Variants in PNPLA7 observed in about 807,000 individuals in gnomAD.
PNPLA7 encodes patatin-like phospholipase domain-containing protein 7.
Under a neutral mutation model 161.7 loss-of-function variants are expected in PNPLA7, and 153 were observed. The ratio of observed to expected loss-of-function variants is 0.95; its 90% confidence interval spans 0.83 to 1.08. The LOEUF is 1.08. PNPLA7 is among the 50% of genes least tolerant of loss of function. The probability of loss-of-function intolerance (pLI) is 0.00; values close to 1 mark genes in which losing one functional copy is unlikely to be tolerated. For missense variants in PNPLA7, 1,739 were observed against 1,856.6 expected, an observed-to-expected ratio of 0.94 and a Z score of 1.16; for synonymous variants, 809 against 782.1, an observed-to-expected ratio of 1.03 and a Z score of -0.57.
In PNPLA7 at chr9:137,524,915, G is replaced by A. The variant is rs755317826; in HGVS notation, c.748-2058C>T. ...CACCAGCAGTTGGTGCCACCATGTC[G>A]CATAATAAAGAATTTAGCTGGTCTT... On this transcript the variant is annotated intron_variant, in intron 8 of 34. Transcript: ENST00000406427. The surrounding 1 kb of genome is among the most constrained non-coding windows in gnomAD (Gnocchi z 4.4). Among the ~76,000 whole-genome samples the A allele has an allele frequency of 6.6e-6, 1 of 152,202 alleles. No individual in the cohort carries two copies. The highest frequency in any genetic ancestry group is 6.5e-5 in the Admixed American group (1 of 15,282).
rs559467809 is a variant in PNPLA7, at chr9:137,540,243, G to A, written c.747+399C>T. ...AAAAGACTGGGAGCCACAGAAAGAC[G>A]GCGCCAGCAGGGAAGAGCCCAGCAG... On this transcript the variant is annotated intron_variant, in intron 8 of 34. Coordinates refer to ENST00000406427, the MANE Select transcript of PNPLA7 (RefSeq NM_001098537.3). The surrounding 1 kb of genome is among the most constrained non-coding windows in gnomAD (Gnocchi z 5.1). Among the ~76,000 whole-genome samples, 4 of 152,308 alleles carry A rather than the reference G, an allele frequency of 2.6e-5. No homozygotes were observed. In the South Asian group the frequency reaches 6.2e-4, roughly 24 times the overall value.
chr9:137,480,633 G>T (rs769379455), intron 22 of PNPLA7, 153 bp from the exon 23 acceptor site: 1 of 885,960 alleles, frequency 1.1e-6, no homozygotes, highest in Non-Finnish European at 1.7e-6. Context: ...TTCGCAGTGA[G>T]TTATTCAGGG....
Position 137,515,524 on chromosome 9 carries a change from T to C in PNPLA7, c.1085-5A>G. The C allele has an allele frequency of 6.5e-7, 1 of 1,540,008 alleles. No individual in the cohort carries two copies. The highest frequency in any genetic ancestry group is 8.7e-7 in the Non-Finnish European group (1 of 1,146,604). On this transcript the variant is annotated splice_region_variant and splice_polypyrimidine_tract_variant and intron_variant, in intron 11 of 34. Coordinates refer to ENST00000406427, the MANE Select transcript of PNPLA7 (RefSeq NM_001098537.3). ...CCGGGCGGCCGCCCCCGTGATCTGCTGGGGAGGCAGCCGTAAGCAACCTTG... is the reference window on the plus strand; with the variant it reads ...CCGGGCGGCCGCCCCCGTGATCTGCCGGGGAGGCAGCCGTAAGCAACCTTG...
At chr9:137,545,293 C>T (rs561389466) in intron 4 of PNPLA7, among the ~76,000 whole-genome samples, 42 of 152,232 alleles carry the variant, frequency 2.8e-4, no homozygotes, top group African/African-American at 7.2e-4. Flanking sequence ...GCACACATGC[C>T]GGTAACCAGG....
chr9:137,523,422 G>A lies in PNPLA7; in HGVS notation c.748-565C>T, dbSNP rs1490713112. ...TCACCGCGTGGATGTGGCCAGCAGA[G>A]CTCCACACGGCCAAGGAAAGAGCCC... On this transcript the variant is annotated intron_variant, in intron 8 of 34. Transcript: ENST00000406427. This position sits in a 1 kb window ranked among gnomAD's most constrained non-coding sequence, Gnocchi z 4.4. Among the ~76,000 whole-genome samples, 8 of 152,220 alleles carry A rather than the reference G, an allele frequency of 5.3e-5. No homozygotes were observed. The highest frequency in any genetic ancestry group is 1.2e-4 in the Non-Finnish European group (8 of 68,046).
At chr9:137,531,909 G>C (rs752080819) in intron 8 of PNPLA7, among the ~76,000 whole-genome samples, 1 of 152,102 alleles carries the variant, frequency 6.6e-6, no homozygotes, top group Non-Finnish European at 1.5e-5. Flanking sequence ...ACCTGGGTTC[G>C]AGTTAAGATG....
chr9:137,477,570 C>T (rs1212941213), intron 25 of PNPLA7, among the ~76,000 whole-genome samples: 2 of 152,126 alleles, frequency 1.3e-5, no homozygotes, highest in African/African-American at 2.4e-5. Context: ...CTGCCTCAGC[C>T]TCCAAGCAGC....
At chr9:137,501,244 G>A (rs1833395719) in intron 15 of PNPLA7, among the ~76,000 whole-genome samples, 1 of 152,184 alleles carries the variant, frequency 6.6e-6, no homozygotes, top group South Asian at 2.1e-4. Context: ...CCTGGGGCCT[G>A]GCCTCTGAGG....
At position 137,540,547 on chromosome 9, in the gene PNPLA7, C is replaced by T. The variant is rs911180947; in HGVS notation, c.747+95G>A. ...CCTCACATCACTGTGGAGAACTGGC[C>T]TTTAACCACTACCAGCTGTCCAGAC... On this transcript the variant is annotated intron_variant, in intron 8 of 34. Transcript: ENST00000406427. This position sits in a 1 kb window ranked among gnomAD's most constrained non-coding sequence, Gnocchi z 5.1. 1.2e-5 allele frequency: 14 copies of T among 1,161,146 alleles called. No homozygotes were observed. The African/African-American group carries it at 2.0e-4, about 16-fold the overall frequency. 71.9% of individuals were successfully genotyped at this position (1,161,146 alleles called of 1,614,324 possible).
At chr9:137,542,991 C>T (rs1352083701) in intron 6 of PNPLA7, among the ~76,000 whole-genome samples, 190 bp from the exon 7 acceptor site, 7 of 152,172 alleles carry the variant, frequency 4.6e-5, no homozygotes, top group Non-Finnish European at 1.0e-4. Context: ...TTCCCGTGAG[C>T]CTGTTTTCCA....
In PNPLA7 at chr9:137,520,135, C is replaced by A; in HGVS notation, c.958-92G>T. On this transcript the variant is annotated intron_variant, in intron 10 of 34. Coordinates refer to ENST00000406427, the MANE Select transcript of PNPLA7 (RefSeq NM_001098537.3). The surrounding 1 kb of genome is among the most constrained non-coding windows in gnomAD (Gnocchi z 5.2). ...TCCTCAAAGGTGTGACAGGTGTGGG[C>A]TCCTCAAAGGTGTGACAGGTGTGGG... 1 of 1,551,926 alleles carries A rather than the reference C, an allele frequency of 6.4e-7. No individual in the cohort carries two copies.
Position 137,547,276 on chromosome 9 carries a change from C to T in PNPLA7, c.193+33G>A. On this transcript the variant is annotated intron_variant, in intron 3 of 34. Transcript: ENST00000406427. This position sits in a 1 kb window ranked among gnomAD's most constrained non-coding sequence, Gnocchi z 4.6. ...CAAGACACCCACGCTTTCCCCCAAC[C>T]CCCCGGGCCAGAGTCGGAACCAAGA... 3 of 1,602,450 alleles carry T rather than the reference C, an allele frequency of 1.9e-6. No individual in the cohort carries two copies. Among genetic ancestry groups the T allele is most frequent in the South Asian group, 1.1e-5 (1 of 90,864 alleles).
At chr9:137,493,218 G>A in intron 19 of PNPLA7, 136 bp from the exon 20 acceptor site, 1 of 891,202 alleles carries the variant, frequency 1.1e-6, no homozygotes, top group Admixed American at 2.0e-5. Flanking sequence ...CATGAACTGA[G>A]TTGCACATGA....
At chr9:137,536,746 A>G (rs1316975637) in intron 8 of PNPLA7, among the ~76,000 whole-genome samples, 6 of 151,918 alleles carry the variant, frequency 3.9e-5, no homozygotes, top group African/African-American at 1.2e-4. Context: ...GGGGCAATCT[A>G]CGGAGCCACA....
rs113970239 is a variant in PNPLA7, at chr9:137,461,769, CAGT to C, written c.3757-152_3757-150del. The C allele has an allele frequency of 3.7e-5, 43 of 1,175,564 alleles. 1 individual carries two copies. The African/African-American group carries it at 5.7e-4, about 16-fold the overall frequency. 72.8% of individuals were successfully genotyped at this position (1,175,564 alleles called of 1,614,324 possible). A position where few individuals can be genotyped will look rare whatever the true frequency, so the allele number is the denominator to read the frequency against. On this transcript the variant is annotated intron_variant, in intron 32 of 34. Coordinates refer to ENST00000406427, the MANE Select transcript of PNPLA7 (RefSeq NM_001098537.3). ...TAAGGGCAGGGACCGGGGAGATGCG[CAGT>C]CCTGAGCAATCCTTGTCCTGGCCCT... is the stretch of plus-strand genomic sequence containing the variant.
chr9:137,533,803 C>T (rs912274446), intron 8 of PNPLA7, among the ~76,000 whole-genome samples: 10 of 142,184 alleles, frequency 7.0e-5, no homozygotes, highest in Admixed American at 3.5e-4. Context: ...AGACTCCTCC[C>T]CAACAGTGTC....
intron 1 of PNPLA7, among the ~76,000 whole-genome samples, chr9:137,549,384 A>G (rs1018377646): frequency 2.7e-4 from 41 of 152,116 alleles, no homozygotes; most frequent in East Asian, 1.2e-3. Flanking sequence ...TGGCTAACAC[A>G]GTGAAACACC....
At chr9:137,512,826 G>A (rs1243913608) in intron 12 of PNPLA7, among the ~76,000 whole-genome samples, 1 of 151,860 alleles carries the variant, frequency 6.6e-6, no homozygotes, top group Non-Finnish European at 1.5e-5. Context: ...AATGCCAAGT[G>A]CAGTGGTGTG....
intron 4 of PNPLA7, among the ~76,000 whole-genome samples, 168 bp downstream of exon 4, chr9:137,546,662 A>G (rs1045274842): frequency 1.3e-5 from 2 of 152,142 alleles, no homozygotes; most frequent in Non-Finnish European, 2.9e-5. Context: ...GGCACAATTT[A>G]TAATTTCCCC....
Sources: gnomAD v4.1 joint callset for allele counts (sites outside exome capture counted in the v4.1 genomes callset) on GRCh38, gnomAD v4.1.1 for gene constraint, Gnocchi (gnomAD v3.1) non-coding constraint, MANE v1.5 for transcripts, NCBI Gene and HGNC (gene_info 2026-07-23, HGNC 2026-07-21) for gene names.